Variants in RTCB observed in about 807,000 individuals in gnomAD.
RTCB encodes RNA 2',3'-cyclic phosphate and 5'-OH ligase.
In RTCB, 32 loss-of-function variants were observed where a neutral mutation model predicts 58.2. The observed-to-expected ratio is 0.55, with a 90% CI of 0.41 to 0.74. RTCB has a LOEUF of 0.74. RTCB is among the 30% of genes least tolerant of loss of function. The probability of loss-of-function intolerance (pLI) is 0.00; values close to 1 mark genes in which losing one functional copy is unlikely to be tolerated. For synonymous variants in RTCB, 247 were observed against 218.6 expected, an observed-to-expected ratio of 1.13 and a Z score of -1.15; for missense variants, 523 against 639.0, an observed-to-expected ratio of 0.82 and a Z score of 1.96.
At chr22:32,407,194 G>A (rs1209527856) in intron 3 of RTCB, 1 of 163,530 alleles carries the variant, frequency 6.1e-6, no homozygotes, top group African/African-American at 2.4e-5. Context: ...TATAAATACT[G>A]TAGACTTCCT....
rs951351222 is a variant in RTCB, at chr22:32,399,626, C to A, written c.631G>T (p.Ala211Ser). The change falls in exon 6 of 12, where the codon GCG (alanine) becomes TCG (serine). Residue 211 changes from alanine to serine, a missense_variant. Transcript: ENST00000216038. Reference sequence around the variant, plus strand: ...ACCTGAGGAAGGCCTCTTTTCTTCGCCCTTGCAGAAACTTTATTGGGGTCA... The same window carrying A: ...ACCTGAGGAAGGCCTCTTTTCTTCGACCTTGCAGAAACTTTATTGGGGTCA... ...QADPNKVSAR[A>S]KKRGLPQLGT... The A allele has an allele frequency of 5.0e-6, 8 of 1,613,076 alleles. No homozygotes were observed. The African/African-American group carries it at 9.3e-5, about 19-fold the overall frequency.
At chr22:32,408,034 G>A (rs1933457467) in intron 3 of RTCB, 141 bp downstream of exon 3, 2 of 706,590 alleles carry the variant, frequency 2.8e-6, no homozygotes, top group Admixed American at 2.8e-5. Flanking sequence ...CGGGTGGCAT[G>A]AGCCACTGAG....
chr22:32,412,227 A>G lies in RTCB; in HGVS notation c.-71T>C. On this transcript the variant is annotated 5_prime_UTR_variant, in exon 1 of 12. Transcript: ENST00000216038. Reference sequence around the variant, plus strand: ...CCGCTGCCGCGTAGTCCGGCTTCTCAGAGCACCGCCTTCCAAGAACCAAAG... The same window carrying G: ...CCGCTGCCGCGTAGTCCGGCTTCTCGGAGCACCGCCTTCCAAGAACCAAAG... 7 of 1,305,912 alleles carry G rather than the reference A, an allele frequency of 5.4e-6. No homozygotes were observed. Among genetic ancestry groups the G allele is most frequent in the Non-Finnish European group, 7.4e-6 (7 of 940,006 alleles). The allele number at this position is 1,305,912 out of a possible 1,614,324, so 80.9% of individuals were successfully genotyped here.
intron 11 of RTCB, among the ~76,000 whole-genome samples, chr22:32,389,366 A>G (rs1037309991): frequency 2.6e-5 from 4 of 151,556 alleles, no homozygotes; most frequent in Admixed American, 6.6e-5. Flanking sequence ...TCTTCCCCAC[A>G]TATCTGTATC....
chr22:32,390,246 C>T (rs1486307293), intron 11 of RTCB, among the ~76,000 whole-genome samples: 1 of 152,210 alleles, frequency 6.6e-6, no homozygotes, highest in Non-Finnish European at 1.5e-5. Flanking sequence ...CTTTTGTTCA[C>T]TGCAGTATCT....
At position 32,412,073 on chromosome 22, in the gene RTCB, G is replaced by A. The variant is rs142961402; in HGVS notation, c.84C>T (p.Pro28=). The change falls in exon 1 of 12, where the codon CCC becomes CCT. Residue 28 remains proline (P), a synonymous_variant. Coordinates refer to ENST00000216038, the MANE Select transcript of RTCB (RefSeq NM_014306.5). The part of the protein sequence containing the change: ...NCWRIKKGFV[P]NMQVEGVFYV... ...TGCTCTCCTGCCTTACCTGCATGTT[G>A]GGCACGAAGCCCTTCTTGATCCTCC... The A allele has an allele frequency of 3.4e-5, 54 of 1,606,310 alleles. No homozygotes were observed. In the African/African-American group the frequency reaches 6.7e-4, roughly 20 times the overall value.
At chr22:32,394,357 C>T (rs544891353) in intron 9 of RTCB, among the ~76,000 whole-genome samples, 4 of 152,142 alleles carry the variant, frequency 2.6e-5, no homozygotes, top group Admixed American at 1.3e-4. Context: ...GTGATTTGCC[C>T]GCCTTGGCCT....
chr22:32,408,821 A>T lies in RTCB; in HGVS notation c.106T>A (p.Phe36Ile), dbSNP rs1382865639. ...FVPNMQVEGV[F>I]YVNDALEKLM... is the part of the protein sequence containing the mutation. ...TTCTCCAGAGCATCATTCACATAGAAAACACCTTCAACCTAGTACCAAGGA... is the reference window on the plus strand; with the variant it reads ...TTCTCCAGAGCATCATTCACATAGATAACACCTTCAACCTAGTACCAAGGA... Residue 36 changes from phenylalanine (F) to isoleucine (I), a missense_variant, in exon 2 of 12, where the codon TTC becomes ATC. Coordinates refer to ENST00000216038, the MANE Select transcript of RTCB (RefSeq NM_014306.5). The T allele has an allele frequency of 6.2e-7, 1 of 1,613,396 alleles. No individual in the cohort carries two copies. Among genetic ancestry groups the T allele is most frequent in the African/African-American group, 1.3e-5 (1 of 74,926 alleles).
Position 32,398,110 on chromosome 22 carries a change from T to G in RTCB, c.655-10A>C. 6.2e-7 allele frequency: 1 copy of G among 1,608,848 alleles called. No homozygotes were observed. Among genetic ancestry groups the G allele is most frequent in the South Asian group, 1.1e-5 (1 of 89,268 alleles). On this transcript the variant is annotated splice_polypyrimidine_tract_variant and intron_variant, in intron 6 of 11. Coordinates refer to ENST00000216038, the MANE Select transcript of RTCB (RefSeq NM_014306.5). ...CTCCCAGGGTCCCCAACTGCAAATG[T>G]AAAAATGTCTGGTAAGATAGTTTTT...
intron 9 of RTCB, 112 bp from the exon 10 acceptor site, chr22:32,394,114 C>CA: frequency 1.9e-6 from 1 of 514,644 alleles, no homozygotes; most frequent in South Asian, 2.2e-5. Flanking sequence ...ACCCAGACTT[C>CA]TTTTTTTTTT....
At position 32,387,713 on chromosome 22, in the gene RTCB, C is replaced by G; in HGVS notation, c.*279G>C. ...CTGCGTAAGGCAGTTTGACATCTAC[C>G]CATCCCTAACAGATTTTCCTAAAAC... On this transcript the variant is annotated 3_prime_UTR_variant, in exon 12 of 12. Transcript: ENST00000216038. 1 of 359,842 alleles carries G rather than the reference C, an allele frequency of 2.8e-6. No homozygotes were observed. Among genetic ancestry groups the G allele is most frequent in the Non-Finnish European group, 5.2e-6 (1 of 193,498 alleles). The allele number at this position is 359,842 out of a possible 1,614,324, so 22.3% of individuals were successfully genotyped here.
At position 32,392,232 on chromosome 22, in the gene RTCB, T is replaced by G; in HGVS notation, c.1410+8A>C. ...AAATATTCATGTATTTATCAAAATT[T>G]CACTTACCTCTTCCATAACCAGTTT... is the stretch of plus-strand genomic sequence containing the variant. On this transcript the variant is annotated splice_region_variant and intron_variant, in intron 11 of 11. Transcript: ENST00000216038. 6.2e-7 allele frequency: 1 copy of G among 1,605,110 alleles called. No homozygotes were observed. Among genetic ancestry groups the G allele is most frequent in the African/African-American group, 1.3e-5 (1 of 74,466 alleles).
At position 32,398,101 on chromosome 22, in the gene RTCB, C is replaced by A; in HGVS notation, c.655-1G>T. 1 of 1,611,260 alleles carries A rather than the reference C, an allele frequency of 6.2e-7. No homozygotes were observed. Among genetic ancestry groups the A allele is most frequent in the Non-Finnish European group, 8.5e-7 (1 of 1,179,260 alleles). ...GGTTGCCTGCTCCCAGGGTCCCCAA[C>A]TGCAAATGTAAAAATGTCTGGTAAG... On this transcript the variant is annotated splice_acceptor_variant, in intron 6 of 11. Coordinates refer to ENST00000216038, the MANE Select transcript of RTCB (RefSeq NM_014306.5). LOFTEE classifies it high-confidence loss of function.
At chr22:32,398,790 C>A (rs567105640) in intron 6 of RTCB, among the ~76,000 whole-genome samples, 1 of 152,098 alleles carries the variant, frequency 6.6e-6, no homozygotes, top group African/African-American at 2.4e-5. Context: ...TGGACATCCA[C>A]CATTATTTAT....
At chr22:32,411,522 A>G (rs1933524175) in intron 1 of RTCB, among the ~76,000 whole-genome samples, 1 of 152,330 alleles carries the variant, frequency 6.6e-6, no homozygotes, top group South Asian at 2.1e-4. Flanking sequence ...TGTGAAGTGA[A>G]TATTAAAATC....
chr22:32,403,529 T>G (rs1432398748), intron 4 of RTCB, among the ~76,000 whole-genome samples: 1 of 152,268 alleles, frequency 6.6e-6, no homozygotes, highest in Non-Finnish European at 1.5e-5. Flanking sequence ...CTTCCCCTTC[T>G]GTTTTTCTGG....
chr22:32,411,999 C>T (rs1933534819), intron 1 of RTCB, 65 bp downstream of exon 1: 19 of 1,274,292 alleles, frequency 1.5e-5, no homozygotes, highest in Admixed American at 7.4e-5. Flanking sequence ...CCAGAGGGCG[C>T]AGTGGACGCC....
At position 32,401,735 on chromosome 22, in the gene RTCB, G is replaced by A. The variant is rs377323703; in HGVS notation, c.497+12C>T. On this transcript the variant is annotated intron_variant, in intron 5 of 11. Transcript: ENST00000216038. ...CCCTCCCATACCATGTACTGGAAAC[G>A]TGTGCTCTTACTTGGCATTCATTGG... The A allele has an allele frequency of 1.5e-5, 24 of 1,613,424 alleles. No individual in the cohort carries two copies. The highest frequency in any genetic ancestry group is 2.2e-5 in the East Asian group (1 of 44,882).
At chr22:32,402,729 G>A (rs1345406867) in intron 4 of RTCB, among the ~76,000 whole-genome samples, 2 of 152,056 alleles carry the variant, frequency 1.3e-5, no homozygotes, top group African/African-American at 2.4e-5. Flanking sequence ...GATTACAGGC[G>A]TGAGCCACCA....
Sources: allele counts gnomAD v4.1 joint callset (sites outside exome capture counted in the v4.1 genomes callset), GRCh38; gene constraint gnomAD v4.1.1; transcripts MANE v1.5; gene names NCBI Gene and HGNC (gene_info 2026-07-23, HGNC 2026-07-21).